DSG2: variants seen among roughly 807,000 people sequenced by gnomAD.
DSG2 encodes the protein desmoglein-2.
DSG2 carries 45 observed loss-of-function variants against 75.6 expected under a neutral mutation model. The observed-to-expected ratio is 0.60, with a 90% CI of 0.47 to 0.76. The LOEUF (loss-of-function observed/expected upper bound fraction) is 0.76, where lower values mean the gene tolerates loss of function less well. DSG2 is among the 30% of genes least tolerant of loss of function. DSG2 has a pLI of 0.00. For synonymous variants in DSG2, 429 were observed against 483.9 expected (o/e 0.89, Z 1.49); for missense variants, 1,267 against 1,357.4 (o/e 0.93, Z 1.05).
chr18:31,537,107 A>G (rs1223139231), intron 11 of DSG2, among the ~76,000 whole-genome samples: 2 of 152,160 alleles, frequency 1.3e-5, no homozygotes, highest in African/African-American at 4.8e-5. Context: ...TTTGTTTTAA[A>G]CAACTAGGGT....
intron 9 of DSG2, among the ~76,000 whole-genome samples, chr18:31,533,387 G>T (rs2073209833): frequency 6.6e-6 from 1 of 152,154 alleles, no homozygotes; most frequent in African/African-American, 2.4e-5. Flanking sequence ...TAGACAGGGG[G>T]ATTGCTTAAG....
rs771255344 is a variant in DSG2 at position 31,545,824 on chromosome 18, G to T, written c.2438G>T (p.Cys813Phe). Residue 813 changes from cysteine to phenylalanine, a missense_variant, in exon 15 of 15, where the codon TGT (cysteine) becomes TTT (phenylalanine). Coordinates refer to ENST00000261590, the MANE Select transcript of DSG2 (RefSeq NM_001943.5). Reference sequence around the variant, plus strand: ...GAATCGCTGAATGCTTCTATTGGTTGTTGCAGTTTTATTGAAGGAGAGCTA... The same window carrying T: ...GAATCGCTGAATGCTTCTATTGGTTTTTGCAGTTTTATTGAAGGAGAGCTA... Reference protein sequence around the residue: ...ETESLNASIGCCSFIEGELDD... With the variant: ...ETESLNASIGFCSFIEGELDD... 15 of 1,614,052 alleles carry T rather than the reference G, an allele frequency of 9.3e-6. No homozygotes were observed. The highest frequency in any genetic ancestry group is 1.2e-5 in the Non-Finnish European group (14 of 1,180,046).
intron 8 of DSG2, among the ~76,000 whole-genome samples, chr18:31,528,112 T>A (rs1185816965): frequency 1.3e-5 from 2 of 152,208 alleles, no homozygotes; most frequent in African/African-American, 4.8e-5. Flanking sequence ...GCTAGTGGAA[T>A]TGTAACATGA....
intron 6 of DSG2, among the ~76,000 whole-genome samples, chr18:31,523,061 C>G (rs948777596): frequency 6.6e-6 from 1 of 152,126 alleles, no homozygotes; most frequent in African/African-American, 2.4e-5. Context: ...CACTCTTTGT[C>G]ATCAGATATA....
At chr18:31,522,376 C>T in intron 6 of DSG2, 127 bp downstream of exon 6, 1 of 979,542 alleles carries the variant, frequency 1.0e-6, no homozygotes, top group Non-Finnish European at 1.5e-6. Context: ...CTTGGAATTA[C>T]TCTCTTTTAG....
Position 31,546,437 on chromosome 18 carries a change from GGAAA to G in DSG2, c.3054_3057del (p.Glu1020AlafsTer18). 3.7e-6 allele frequency: 6 copies of G among 1,614,150 alleles called. No homozygotes were observed. Among genetic ancestry groups the G allele is most frequent in the Non-Finnish European group, 5.1e-6 (6 of 1,180,024 alleles). On this transcript the variant is annotated frameshift_variant, in exon 15 of 15. Coordinates refer to ENST00000261590, the MANE Select transcript of DSG2 (RefSeq NM_001943.5). LOFTEE classifies it low-confidence loss of function (END_TRUNC). ...AAGATGTACCTTACGTCATGGTGAGGGAAAGAGAGAGCTTCCTTGCCCCCAGCTC... is the reference window on the plus strand; with the variant it reads ...AAGATGTACCTTACGTCATGGTGAGGGAGAGAGCTTCCTTGCCCCCAGCTC...
At chr18:31,531,975 T>A (rs1047804183) in intron 9 of DSG2, among the ~76,000 whole-genome samples, 1 of 152,200 alleles carries the variant, frequency 6.6e-6, no homozygotes, top group Non-Finnish European at 1.5e-5. Context: ...CTAGTTACTG[T>A]TACTGCAGTT....
chr18:31,537,672 T>C (rs2073239686), intron 11 of DSG2, among the ~76,000 whole-genome samples: 1 of 151,930 alleles, frequency 6.6e-6, no homozygotes, highest in Non-Finnish European at 1.5e-5. Context: ...AAATTTAACT[T>C]ACAAATACAC....
At chr18:31,540,876 A>G (rs1442662357) in intron 12 of DSG2, among the ~76,000 whole-genome samples, 1 of 152,154 alleles carries the variant, frequency 6.6e-6, no homozygotes, top group Non-Finnish European at 1.5e-5. Flanking sequence ...TAAAAAAATT[A>G]ATCTTTAAGC....
intron 1 of DSG2, among the ~76,000 whole-genome samples, chr18:31,501,182 C>T (rs1409536531): frequency 6.6e-6 from 1 of 152,082 alleles, no homozygotes; most frequent in Non-Finnish European, 1.5e-5. Context: ...CATTGATAAT[C>T]CCCTGTATTT....
At chr18:31,530,903 A>G (rs2073192552) in intron 8 of DSG2, 84 bp from the exon 9 acceptor site, 1 of 1,396,032 alleles carries the variant, frequency 7.2e-7, no homozygotes, top group Non-Finnish European at 1.0e-6. Flanking sequence ...TGTATCTAAC[A>G]TTAAAACCAC....
At chr18:31,524,653 CTTATAT>C (rs2073150435) in intron 7 of DSG2, 44 bp from the exon 8 acceptor site, 1 of 1,603,494 alleles carries the variant, frequency 6.2e-7, no homozygotes, top group Non-Finnish European at 8.5e-7. Context: ...AAATATATCA[CTTATAT>C]TTGTATTTCA....
rs775447829 is a variant in DSG2 at position 31,520,827 on chromosome 18, A to G, written c.241A>G (p.Arg81Gly). Residue 81 changes from arginine (R) to glycine (G), a missense_variant, in exon 4 of 15, where the codon AGA (arginine) becomes GGA (glycine). By Grantham distance (125) the Arg-to-Gly change is moderately radical. Transcript: ENST00000261590. ...AKIHSDLAEE[R>G]GLKITYKYTG... ...GATACATTCTGATCTTGCAGAAGAA[A>G]GAGGACTCAAAATTACTTACAAATA... 6.2e-7 allele frequency: 1 copy of G among 1,613,814 alleles called. No individual in the cohort carries two copies. The highest frequency in any genetic ancestry group is 1.1e-5 in the South Asian group (1 of 91,060).
chr18:31,522,664 A>G (rs2144318810), intron 6 of DSG2: 1 of 173,702 alleles, frequency 5.8e-6, no homozygotes, highest in East Asian at 1.5e-4. Flanking sequence ...AAAATTACAT[A>G]AAAACAGCAC....
At chr18:31,520,388 AT>A (rs1306423941) in intron 3 of DSG2, among the ~76,000 whole-genome samples, 2 of 152,100 alleles carry the variant, frequency 1.3e-5, no homozygotes, top group African/African-American at 2.4e-5. Context: ...AAGGGGTCCA[AT>A]TTTTTTGATA....
chr18:31,541,200 A>G lies in DSG2; in HGVS notation c.1887A>G (p.Pro629=). The change falls in exon 13 of 15, where the codon CCA becomes CCG. Residue 629 remains proline, a synonymous_variant. Coordinates refer to ENST00000261590, the MANE Select transcript of DSG2 (RefSeq NM_001943.5). ...ILAFLLLLLV[P]LLLLMCHCGK... is the part of the protein sequence containing the mutation. ...AATTTTGTGTCTGTACAGTGGTACC[A>G]CTTTTACTGCTGATGTGCCATTGCG... 6.2e-7 allele frequency: 1 copy of G among 1,614,162 alleles called. No homozygotes were observed. The highest frequency in any genetic ancestry group is 8.5e-7 in the Non-Finnish European group (1 of 1,179,998).
intron 14 of DSG2, among the ~76,000 whole-genome samples, chr18:31,544,790 G>A (rs1378206593): frequency 1.3e-5 from 2 of 152,148 alleles, no homozygotes; most frequent in Non-Finnish European, 2.9e-5. Flanking sequence ...GTAGGACTGG[G>A]TGGTTTTCTT....
In DSG2 at chr18:31,548,958, T is replaced by G. The variant is rs2073334327; in HGVS notation, c.*2215T>G. The G allele has an allele frequency of 6.6e-6, 1 of 152,220 alleles. No individual in the cohort carries two copies. Among genetic ancestry groups the G allele is most frequent in the Admixed American group, 6.5e-5 (1 of 15,284 alleles). The allele number at this position is 152,220 out of a possible 1,614,324, so 9.4% of individuals were successfully genotyped here. ...CAGGTGTTTCTTGGACTTTGTTATT[T>G]AATTAGATCTGCTTGCAATAAAAAA... On this transcript the variant is annotated 3_prime_UTR_variant, in exon 15 of 15. Coordinates refer to ENST00000261590, the MANE Select transcript of DSG2 (RefSeq NM_001943.5).
intron 1 of DSG2, 68 bp downstream of exon 1, chr18:31,498,364 C>G: frequency 1.6e-6 from 2 of 1,240,726 alleles, no homozygotes; most frequent in South Asian, 4.1e-5. Flanking sequence ...GTCTAGACCT[C>G]GCGACCAGAC....
Sources: gnomAD v4.1 joint callset for allele counts (sites outside exome capture counted in the v4.1 genomes callset) on GRCh38, gnomAD v4.1.1 for gene constraint, MANE v1.5 for transcripts, NCBI Gene and HGNC (gene_info 2026-07-23, HGNC 2026-07-21) for gene names.